Variants in GNAI2 observed in about 807,000 individuals in gnomAD.
GNAI2 encodes G protein subunit alpha i2, also known as guanine nucleotide-binding protein G(i) subunit alpha-2.
A neutral mutation model predicts 36.8 loss-of-function variants in GNAI2; 4 were observed. The ratio of observed to expected loss-of-function variants is 0.11; its 90% CI spans 0.05 to 0.25. The LOEUF is 0.25. Among genes scored for constraint, GNAI2 ranks in the 10% least tolerant of loss-of-function variants. The pLI is 1.00. For missense variants in GNAI2, 230 were observed against 481.3 expected, an observed-to-expected ratio of 0.48 and a Z score of 4.89; for synonymous variants, 194 against 194.1, an observed-to-expected ratio of 1.00 and a Z score of 0.01.
Position 50,237,013 on chromosome 3 carries a change from A to G in GNAI2, c.118+560A>G, listed in dbSNP as rs1452812250. Among the ~76,000 whole-genome samples, 5 of 152,136 alleles carry G rather than the reference A, an allele frequency of 3.3e-5. No individual in the cohort carries two copies. The South Asian group carries it at 8.3e-4, about 25-fold the overall frequency. On this transcript the variant is annotated intron_variant, in intron 1 of 8. Transcript: ENST00000313601. ...CCTCTCGAGTGGGAAACTGCTCTTG[A>G]GCCCCATCTCCAGCTGGAACCCCTT...
In GNAI2 at chr3:50,255,940, G is replaced by A. The variant is rs1252245928; in HGVS notation, c.465-252G>A. Among the ~76,000 whole-genome samples the A allele has an allele frequency of 6.6e-6, 1 of 151,282 alleles. No individual in the cohort carries two copies. Among genetic ancestry groups the A allele is most frequent in the Non-Finnish European group, 1.5e-5 (1 of 67,904 alleles). On this transcript the variant is annotated intron_variant, in intron 4 of 8. Coordinates refer to ENST00000313601, the MANE Select transcript of GNAI2 (RefSeq NM_002070.4). This position sits in a 1 kb window ranked among gnomAD's most constrained non-coding sequence, Gnocchi z 4.0. ...AGGCGCCTGTAGTCCCAGCTACTCA[G>A]GAGGCTGAGGCAGGAGAATCGCTTG...
chr3:50,251,549 C>T (rs73835227), intron 1 of GNAI2: 27 of 1,181,162 alleles, frequency 2.3e-5, no homozygotes, highest in African/African-American at 1.6e-4. Context: ...CAGACCTGAG[C>T]GCAGTGAGCA....
At chr3:50,254,207 G>A (rs1213147686) in intron 4 of GNAI2, among the ~76,000 whole-genome samples, 1 of 152,186 alleles carries the variant, frequency 6.6e-6, no homozygotes, top group Non-Finnish European at 1.5e-5. Context: ...GACTGGTGCA[G>A]GGTGCTGAGG....
chr3:50,233,913 TGAGACGGAGTCCTGC>T (rs1700112564), upstream of GNAI2, among the ~76,000 whole-genome samples: 1 of 130,504 alleles, frequency 7.7e-6, no homozygotes. Flanking sequence ...TTTTTTTTTT[TGAGACGGAGTCCTGC>T]TCTGTTGCCC....
At position 50,256,193 on chromosome 3, in the gene GNAI2, T is replaced by G; in HGVS notation, c.466T>G (p.Tyr156Asp). ...GACCCTCCCACCCCCCATCCCCAGC[T>G]ACCTGAACGACCTGGAGCGTATTGC... ...EYQLNDSAAY[Y>D]LNDLERIAQS... The change falls in exon 5 of 9, where the codon TAC (tyrosine) becomes GAC (aspartate). Residue 156 changes from tyrosine (Y) to aspartate (D), a missense_variant and splice_region_variant. Transcript: ENST00000313601. The G allele has an allele frequency of 6.9e-6, 5 of 724,478 alleles. No homozygotes were observed. Among genetic ancestry groups the G allele is most frequent in the Non-Finnish European group, 8.6e-6 (4 of 463,858 alleles). The allele number at this position is 724,478 out of a possible 1,614,324, so 44.9% of individuals were successfully genotyped here.
In GNAI2 at chr3:50,255,361, G is replaced by C. The variant is rs1015256630; in HGVS notation, c.465-831G>C. Among the ~76,000 whole-genome samples, 1 of 152,202 alleles carries C rather than the reference G, an allele frequency of 6.6e-6. No homozygotes were observed. Among genetic ancestry groups the C allele is most frequent in the African/African-American group, 2.4e-5 (1 of 41,458 alleles). On this transcript the variant is annotated intron_variant, in intron 4 of 8. Coordinates refer to ENST00000313601, the MANE Select transcript of GNAI2 (RefSeq NM_002070.4). The surrounding 1 kb of genome is among the most constrained non-coding windows in gnomAD (Gnocchi z 4.0). The stretch of plus-strand genomic sequence containing the variant: ...GAGCCCCTGGGACCCCTGCCAAGCA[G>C]GTGTCTGTGCCCTCCCCCTGAGGAA...
At chr3:50,229,164 G>C (rs1234177062), upstream of GNAI2, 1 of 152,214 alleles carries the variant, frequency 6.6e-6, no homozygotes, top group Non-Finnish European at 1.5e-5. Context: ...AGGAGGACTA[G>C]GCAATAACAT....
Position 50,236,598 on chromosome 3 carries a change from C to T in GNAI2, c.118+145C>T. 8.9e-7 allele frequency: 1 copy of T among 1,118,406 alleles called. No individual in the cohort carries two copies. Among genetic ancestry groups the T allele is most frequent in the East Asian group, 3.2e-5 (1 of 30,960 alleles). The allele number at this position is 1,118,406 out of a possible 1,614,324, so 69.3% of individuals were successfully genotyped here. On this transcript the variant is annotated intron_variant, in intron 1 of 8. Transcript: ENST00000313601. The surrounding 1 kb of genome is among the most constrained non-coding windows in gnomAD (Gnocchi z 4.0). ...TGGGCCAGGACCAGGGTTGAAAACT[C>T]TAGATTGGACTAGACCTTTGATCCT...
chr3:50,240,637 C>T (rs6768830), intron 1 of GNAI2, among the ~76,000 whole-genome samples: 16,795 of 152,086 alleles, frequency 0.11, 2,141 homozygotes, highest in African/African-American at 0.31. Flanking sequence ...GTGAGGGAGG[C>T]CAGGCGCGGT....
chr3:50,235,824 C>T (rs1553700244), upstream of GNAI2: 2 of 152,138 alleles, frequency 1.3e-5, no homozygotes, highest in Non-Finnish European at 1.5e-5. Context: ...AGGGCTGGTT[C>T]CTGCTCTGCC....
At position 50,252,950 on chromosome 3, in the gene GNAI2, C is replaced by A; in HGVS notation, c.304-74C>A. ...AGAATACCCTAGCCTGGGCCCCATT[C>A]CAGAGGTCTCCCTGCCTCTGGCAGA... On this transcript the variant is annotated intron_variant, in intron 3 of 8. Coordinates refer to ENST00000313601, the MANE Select transcript of GNAI2 (RefSeq NM_002070.4). The surrounding 1 kb of genome is among the most constrained non-coding windows in gnomAD (Gnocchi z 4.1). 2 of 1,267,784 alleles carry A rather than the reference C, an allele frequency of 1.6e-6. No individual in the cohort carries two copies. Among genetic ancestry groups the A allele is most frequent in the Non-Finnish European group, 2.2e-6 (2 of 904,984 alleles). The allele number at this position is 1,267,784 out of a possible 1,614,324, so 78.5% of individuals were successfully genotyped here. A position where few individuals can be genotyped will look rare whatever the true frequency, so the allele number is the denominator to read the frequency against.
At chr3:50,243,820 G>A (rs1700352596) in intron 1 of GNAI2, among the ~76,000 whole-genome samples, 1 of 152,158 alleles carries the variant, frequency 6.6e-6, no homozygotes, top group Non-Finnish European at 1.5e-5. Context: ...AGTCTGTGCT[G>A]GCTGGAAGTA....
At chr3:50,244,186 G>A (rs587737629) in intron 1 of GNAI2, among the ~76,000 whole-genome samples, 7 of 151,968 alleles carry the variant, frequency 4.6e-5, no homozygotes, top group African/African-American at 1.7e-4. Context: ...GTGCCACCAC[G>A]CCCAACTAAT....
rs587663762 is a variant in GNAI2 at position 50,255,378 on chromosome 3, CCT to C, written c.465-813_465-812del. On this transcript the variant is annotated intron_variant, in intron 4 of 8. Transcript: ENST00000313601. The surrounding 1 kb of genome is among the most constrained non-coding windows in gnomAD (Gnocchi z 4.0). Reference sequence around the variant, plus strand: ...GCCAAGCAGGTGTCTGTGCCCTCCCCCTGAGGAACCCAGATTTCATTGGGCGC... The same window carrying C: ...GCCAAGCAGGTGTCTGTGCCCTCCCCGAGGAACCCAGATTTCATTGGGCGC... Among the ~76,000 whole-genome samples the C allele has an allele frequency of 5.3e-5, 8 of 152,324 alleles. No homozygotes were observed.
chr3:50,255,688 C>T lies in GNAI2; in HGVS notation c.465-504C>T, dbSNP rs906114175. On this transcript the variant is annotated intron_variant, in intron 4 of 8. Coordinates refer to ENST00000313601, the MANE Select transcript of GNAI2 (RefSeq NM_002070.4). This position sits in a 1 kb window ranked among gnomAD's most constrained non-coding sequence, Gnocchi z 4.0. ...CCATTCCCATTCTACAGGTGGGAGGCCGGGGGCTCTGAGTTCAGGTTTCTT... is the reference window on the plus strand; with the variant it reads ...CCATTCCCATTCTACAGGTGGGAGGTCGGGGGCTCTGAGTTCAGGTTTCTT... 1.3e-5 allele frequency among the ~76,000 whole-genome samples: 2 copies of T among 152,122 alleles called. No individual in the cohort carries two copies. The highest frequency in any genetic ancestry group is 4.8e-5 in the African/African-American group (2 of 41,420).
At chr3:50,235,236 G>A (rs587755924), upstream of GNAI2, 4 of 152,174 alleles carry the variant, frequency 2.6e-5, no homozygotes, top group African/African-American at 9.6e-5. Flanking sequence ...AATGCCTCCC[G>A]GTAGATTGGG....
rs587773870 is a variant in GNAI2 at position 50,244,798 on chromosome 3, G to C, written c.119-7302G>C. ...CCAGGCCAGGCCGTAAGGGACTGAG[G>C]GGGCTGAGGAAGGCTTAGGAGAGCC... On this transcript the variant is annotated intron_variant, in intron 1 of 8. Transcript: ENST00000313601. Among the ~76,000 whole-genome samples, 12 of 152,296 alleles carry C rather than the reference G, an allele frequency of 7.9e-5. No homozygotes were observed. In the South Asian group the frequency reaches 1.4e-3, roughly 18 times the overall value.
chr3:50,248,016 C>T (rs1700462367), intron 1 of GNAI2, among the ~76,000 whole-genome samples: 2 of 152,244 alleles, frequency 1.3e-5, no homozygotes, highest in South Asian at 4.1e-4. Flanking sequence ...AGGTGGATCA[C>T]TTGAGGTCAG....
Position 50,253,122 on chromosome 3 carries a change from C to T in GNAI2, c.402C>T (p.Asp134=), listed in dbSNP as rs781916310. ...LSGVIRRLWA[D]HGVQACFGRS... The stretch of plus-strand genomic sequence containing the variant: ...GCGTCATCCGGAGGCTCTGGGCTGA[C>T]CATGGTGTGCAGGCCTGCTTTGGCC... Residue 134 remains aspartate (D), a synonymous_variant, in exon 4 of 9, where the codon GAC becomes GAT. Coordinates refer to ENST00000313601, the MANE Select transcript of GNAI2 (RefSeq NM_002070.4). The surrounding 1 kb of genome is among the most constrained non-coding windows in gnomAD (Gnocchi z 4.2). 1 of 1,613,678 alleles carries T rather than the reference C, an allele frequency of 6.2e-7. No individual in the cohort carries two copies. The highest frequency in any genetic ancestry group is 8.5e-7 in the Non-Finnish European group (1 of 1,179,808).
Sources: allele counts gnomAD v4.1 joint callset (sites outside exome capture counted in the v4.1 genomes callset), GRCh38; gene constraint gnomAD v4.1.1; non-coding constraint Gnocchi (gnomAD v3.1); transcripts MANE v1.5; gene names NCBI Gene and HGNC (gene_info 2026-07-23, HGNC 2026-07-21).